Variants in CCDC178 observed in about 807,000 individuals in gnomAD.
CCDC178 encodes the protein coiled-coil domain containing 178.
A neutral mutation model predicts 117.4 loss-of-function variants in CCDC178; 126 were observed. The ratio of observed to expected loss-of-function variants is 1.07; its 90% CI spans 0.93 to 1.24. CCDC178 has a LOEUF of 1.24. CCDC178 is among the 50% of genes most tolerant of loss of function. CCDC178 has a pLI of 0.00. For missense variants in CCDC178, 1,030 were observed against 986.9 expected (o/e 1.04, Z -0.59); for synonymous variants, 283 against 313.4 (o/e 0.90, Z 1.02).
chr18:33,328,007 C>T, intron 10 of CCDC178: 1 of 364,462 alleles, frequency 2.7e-6, no homozygotes, highest in Non-Finnish European at 5.2e-6. Flanking sequence ...TTAATTTTGA[C>T]TAAGTCCTAT....
At chr18:33,189,574 G>C (rs908233356) in intron 20 of CCDC178, among the ~76,000 whole-genome samples, 1 of 152,126 alleles carries the variant, frequency 6.6e-6, no homozygotes, top group Non-Finnish European at 1.5e-5. Context: ...TTAGTCAAAT[G>C]TACAAAGTGA....
chr18:33,295,309 T>C (rs1160065070), intron 11 of CCDC178, among the ~76,000 whole-genome samples: 3 of 152,138 alleles, frequency 2.0e-5, no homozygotes, highest in Non-Finnish European at 4.4e-5. Context: ...TAACTAAAAA[T>C]GGCTTATATA....
At chr18:33,417,564 A>AC (rs71159830) in intron 2 of CCDC178, among the ~76,000 whole-genome samples, 39 of 151,606 alleles carry the variant, frequency 2.6e-4, no homozygotes, top group Non-Finnish European at 4.4e-4. Context: ...ACACACACAC[A>AC]AATAACTGCA....
intron 12 of CCDC178, among the ~76,000 whole-genome samples, chr18:33,292,025 A>AG (rs1386121498): frequency 6.6e-6 from 1 of 151,776 alleles, no homozygotes; most frequent in Non-Finnish European, 1.5e-5. Context: ...ATTCCTCAAA[A>AG]AAAAAAAAAC....
intron 12 of CCDC178, among the ~76,000 whole-genome samples, chr18:33,270,349 G>A (rs1273015757): frequency 2.6e-5 from 4 of 151,466 alleles, no homozygotes; most frequent in Non-Finnish European, 5.9e-5. Context: ...CTGAAAACTT[G>A]CAAAATTTGG....
At chr18:33,392,556 A>G (rs1335889374) in intron 4 of CCDC178, among the ~76,000 whole-genome samples, 2 of 152,232 alleles carry the variant, frequency 1.3e-5, no homozygotes, top group Non-Finnish European at 2.9e-5. Context: ...AAGTTTCTAC[A>G]ATCAAATTCT....
intron 20 of CCDC178, among the ~76,000 whole-genome samples, chr18:33,107,030 G>C (rs2145119399): frequency 6.6e-6 from 1 of 151,762 alleles, no homozygotes; most frequent in African/African-American, 2.4e-5. Context: ...CAAGGAAACA[G>C]ATGCTTCCCT....
At chr18:33,249,606 T>C (rs1024269947) in intron 14 of CCDC178, among the ~76,000 whole-genome samples, 3 of 152,118 alleles carry the variant, frequency 2.0e-5, no homozygotes, top group African/African-American at 7.2e-5. Context: ...CTGAGGGCTC[T>C]GTTCTGTTCC....
At chr18:33,411,959 C>T in intron 3 of CCDC178, 72 bp downstream of exon 3, 1 of 784,758 alleles carries the variant, frequency 1.3e-6, no homozygotes, top group Non-Finnish European at 2.0e-6. Flanking sequence ...CAGTTGCCCT[C>T]CTCTGTAAGT....
At chr18:33,076,228 C>A (rs907183748) in intron 21 of CCDC178, among the ~76,000 whole-genome samples, 1 of 152,130 alleles carries the variant, frequency 6.6e-6, no homozygotes, top group Admixed American at 6.5e-5. Context: ...TGCTCAGTCC[C>A]GACAATCACT....
At chr18:33,219,983 G>A (rs72947198) in intron 18 of CCDC178, among the ~76,000 whole-genome samples, 556 of 151,894 alleles carry the variant, frequency 3.7e-3, no homozygotes, top group Non-Finnish European at 5.1e-3. Context: ...AATAATTCAC[G>A]AGTTAGAAAT....
At chr18:33,085,456 G>T (rs1242597248) in intron 21 of CCDC178, among the ~76,000 whole-genome samples, 3 of 152,004 alleles carry the variant, frequency 2.0e-5, no homozygotes, top group Admixed American at 2.0e-4. Context: ...CCAGCTACTC[G>T]GGAGGCTGAG....
chr18:33,307,012 G>T (rs1350661564), intron 11 of CCDC178, among the ~76,000 whole-genome samples: 3 of 152,116 alleles, frequency 2.0e-5, no homozygotes, highest in Admixed American at 1.3e-4. Context: ...CAGCCCTGTG[G>T]ACTGTGAGTC....
intron 21 of CCDC178, among the ~76,000 whole-genome samples, chr18:33,055,131 G>A (rs1374198094): frequency 1.3e-5 from 2 of 151,286 alleles, no homozygotes; most frequent in African/African-American, 2.4e-5. Flanking sequence ...TTTTTTTCTT[G>A]TAAATTTGCT....
intron 20 of CCDC178, among the ~76,000 whole-genome samples, chr18:33,119,605 A>G (rs1384630951): frequency 6.6e-6 from 1 of 152,184 alleles, no homozygotes; most frequent in East Asian, 1.9e-4. Context: ...AACTAGTTCA[A>G]CCATTGTGGA....
chr18:32,987,426 T>C (rs2055286056), intron 21 of CCDC178, among the ~76,000 whole-genome samples: 2 of 152,160 alleles, frequency 1.3e-5, no homozygotes, highest in South Asian at 4.1e-4. Context: ...TCTAGGTCTA[T>C]AGATATCAAC....
chr18:33,414,667 A>G (rs1294497212), intron 2 of CCDC178, among the ~76,000 whole-genome samples: 1 of 152,244 alleles, frequency 6.6e-6, no homozygotes, highest in Non-Finnish European at 1.5e-5. Context: ...AAAACACCAA[A>G]AGCAATGGCA....
intron 7 of CCDC178, among the ~76,000 whole-genome samples, chr18:33,354,744 G>T (rs1178990020): frequency 1.3e-5 from 2 of 151,758 alleles, no homozygotes; most frequent in African/African-American, 2.4e-5. Context: ...CTGAGTAGCT[G>T]GGACTACAAG....
At chr18:32,993,626 C>T (rs953978470) in intron 21 of CCDC178, among the ~76,000 whole-genome samples, 12 of 152,264 alleles carry the variant, frequency 7.9e-5, no homozygotes, top group African/African-American at 2.9e-4. Context: ...CCAGCATCAC[C>T]TTGAATGTGA....
Sources: allele counts gnomAD v4.1 joint callset (sites outside exome capture counted in the v4.1 genomes callset), GRCh38; gene constraint gnomAD v4.1.1; transcripts MANE v1.5; gene names NCBI Gene and HGNC (gene_info 2026-07-23, HGNC 2026-07-21).